PXK: variants seen among roughly 807,000 people sequenced by gnomAD.
The protein encoded by PXK is PX domain-containing protein kinase-like protein.
PXK carries 35 observed loss-of-function variants against 84.7 expected under a neutral mutation model. That is an observed-to-expected ratio of 0.41 (90% CI 0.32 to 0.55). The LOEUF is 0.55. Ranked by LOEUF, PXK falls within the 20% of genes least tolerant of loss-of-function variation. The pLI is 0.21. For synonymous variants in PXK, 253 were observed against 260.8 expected (o/e 0.97, Z 0.29); for missense variants, 634 against 699.7 (o/e 0.91, Z 1.06).
intron 12 of PXK, 41 bp from the exon 13 acceptor site, chr3:58,403,821 G>A (rs202028473): frequency 8.7e-6 from 12 of 1,384,086 alleles, no homozygotes; most frequent in African/African-American, 2.8e-5. Flanking sequence ...GAGAGTGCAC[G>A]TGGTTCAAGA....
intron 16 of PXK, among the ~76,000 whole-genome samples, chr3:58,410,834 TG>T (rs2060095490): frequency 6.6e-6 from 1 of 152,216 alleles, no homozygotes; most frequent in Non-Finnish European, 1.5e-5. Flanking sequence ...CAAGCAGTTT[TG>T]ACTTAGCCCT....
rs2098546995 is a variant in PXK at position 58,385,926 on chromosome 3, A to G, written c.388+3226A>G. ...TTCAAGTGGTGGCCAGAATCAGCAGAGCACTTTTCCTGGTCCTTGCTCTGA... is the reference window on the plus strand; with the variant it reads ...TTCAAGTGGTGGCCAGAATCAGCAGGGCACTTTTCCTGGTCCTTGCTCTGA... On this transcript the variant is annotated intron_variant, in intron 4 of 17. Coordinates refer to ENST00000356151, the MANE Select transcript of PXK (RefSeq NM_017771.5). The surrounding 1 kb of genome is among the most constrained non-coding windows in gnomAD (Gnocchi z 5.1). Among the ~76,000 whole-genome samples, 1 of 152,184 alleles carries G rather than the reference A, an allele frequency of 6.6e-6. No homozygotes were observed.
intron 4 of PXK, among the ~76,000 whole-genome samples, chr3:58,389,766 G>A (rs1410931341): frequency 2.0e-5 from 3 of 151,976 alleles, no homozygotes; most frequent in Admixed American, 1.3e-4. Flanking sequence ...TTGGGAGGCC[G>A]AGGTGGGCGG....
Position 58,364,394 on chromosome 3 carries a change from GT to G in PXK, c.103-1474del, listed in dbSNP as rs1056013655. Among the ~76,000 whole-genome samples, 5 of 152,080 alleles carry G rather than the reference GT, an allele frequency of 3.3e-5. No individual in the cohort carries two copies. The highest frequency in any genetic ancestry group is 3.3e-4 in the Admixed American group (5 of 15,268). On this transcript the variant is annotated intron_variant, in intron 1 of 17. Transcript: ENST00000356151. This position sits in a 1 kb window ranked among gnomAD's most constrained non-coding sequence, Gnocchi z 4.3. ...TATTTGGCGGGGGGAGGGGAGCGGA[GT>G]TTTTTAGTTATGAATTTAATTATAA... is the stretch of plus-strand genomic sequence containing the variant.
At chr3:58,366,536 A>G (rs761034273) in intron 2 of PXK, among the ~76,000 whole-genome samples, 7 of 151,936 alleles carry the variant, frequency 4.6e-5, no homozygotes, top group Non-Finnish European at 1.0e-4. Context: ...TGTTTTAGTA[A>G]TTATAATTAC....
intron 7 of PXK, 130 bp downstream of exon 7, chr3:58,391,977 T>C: frequency 1.3e-6 from 1 of 768,716 alleles, no homozygotes; most frequent in Non-Finnish European, 2.2e-6. Flanking sequence ...AGACTGAAAT[T>C]GTGTAGGGCT....
At chr3:58,419,427 A>C (rs1336975513) in intron 17 of PXK, among the ~76,000 whole-genome samples, 5 of 152,048 alleles carry the variant, frequency 3.3e-5, no homozygotes, top group Non-Finnish European at 1.5e-5. Context: ...ACTTTTTTGT[A>C]GTTTTAGTAG....
chr3:58,425,147 G>A lies in PXK; in HGVS notation c.*187G>A, dbSNP rs1447225171. 6 of 888,570 alleles carry A rather than the reference G, an allele frequency of 6.8e-6. No individual in the cohort carries two copies. In the East Asian group the frequency reaches 1.4e-4, roughly 21 times the overall value. 55.0% of individuals were successfully genotyped at this position (888,570 alleles called of 1,614,324 possible). ...TCTTTAAGCAGAATAAAGTTAGGCT[G>A]GCATTGCTCCCTTAAGATCTTGCTC... On this transcript the variant is annotated 3_prime_UTR_variant, in exon 18 of 18. Coordinates refer to ENST00000356151, the MANE Select transcript of PXK (RefSeq NM_017771.5).
At chr3:58,413,240 T>G in intron 17 of PXK, 1 of 506,056 alleles carries the variant, frequency 2.0e-6, no homozygotes, top group East Asian at 3.6e-5. Context: ...ATGCAGAGCT[T>G]CTCAGATTGG....
In PXK at chr3:58,382,689, C is replaced by A; in HGVS notation, c.377C>A (p.Ala126Glu). Residue 126 changes from alanine to glutamate, a missense_variant, in exon 4 of 18, where the codon GCA becomes GAA. Coordinates refer to ENST00000356151, the MANE Select transcript of PXK (RefSeq NM_017771.5). Reference protein sequence around the residue: ...KKFLDPNNYSANYTEIALQQV... With the variant: ...KKFLDPNNYSENYTEIALQQV... ...TTTTTAGATCCAAACAACTATTCCGCAAACTATACTGGTAAGCGAAGGAAT... is the reference window on the plus strand; with the variant it reads ...TTTTTAGATCCAAACAACTATTCCGAAAACTATACTGGTAAGCGAAGGAAT... The A allele has an allele frequency of 6.4e-7, 1 of 1,571,478 alleles. No individual in the cohort carries two copies. Among genetic ancestry groups the A allele is most frequent in the Non-Finnish European group, 8.6e-7 (1 of 1,163,414 alleles).
intron 17 of PXK, chr3:58,420,552 T>G (rs1464074869): frequency 1.3e-6 from 2 of 1,536,082 alleles, no homozygotes; most frequent in East Asian, 4.9e-5. Flanking sequence ...ATGCACCATT[T>G]TGAACGTGAA....
chr3:58,347,554 G>A (rs911327951), intron 1 of PXK, among the ~76,000 whole-genome samples: 2 of 152,266 alleles, frequency 1.3e-5, no homozygotes, highest in East Asian at 1.9e-4. Flanking sequence ...CTTCTATGAT[G>A]TTATATGTTT....
At chr3:58,344,555 G>A (rs2107829212) in intron 1 of PXK, among the ~76,000 whole-genome samples, 1 of 152,286 alleles carries the variant, frequency 6.6e-6, no homozygotes, top group East Asian at 1.9e-4. Flanking sequence ...TGGGCACAGT[G>A]GCTTATGCCT....
At chr3:58,423,485 G>A in intron 17 of PXK, 4 of 1,533,136 alleles carry the variant, frequency 2.6e-6, no homozygotes, top group Non-Finnish European at 3.5e-6. Flanking sequence ...AGTAAAAGAT[G>A]TAAAGAAAGG....
chr3:58,402,435 CT>C (rs751026027), intron 12 of PXK, among the ~76,000 whole-genome samples: 223 of 142,550 alleles, frequency 1.6e-3, no homozygotes, highest in South Asian at 3.8e-3. Context: ...CTTTTCTTTT[CT>C]TTTTTTTTTT....
chr3:58,350,430 C>T (rs183930720), intron 1 of PXK, among the ~76,000 whole-genome samples: 23 of 152,250 alleles, frequency 1.5e-4, no homozygotes, highest in Admixed American at 1.3e-3. Flanking sequence ...CTCTGCCCTT[C>T]ACCCTGTCAG....
chr3:58,409,117 A>C lies in PXK; in HGVS notation c.1308+116A>C. Reference sequence around the variant, plus strand: ...AAATATTTTAAGCATACTTACTCTCAGCCAGCCTTTAGGCTAAATGCTTCC... The same window carrying C: ...AAATATTTTAAGCATACTTACTCTCCGCCAGCCTTTAGGCTAAATGCTTCC... On this transcript the variant is annotated intron_variant, in intron 14 of 17. Transcript: ENST00000356151. This position sits in a 1 kb window ranked among gnomAD's most constrained non-coding sequence, Gnocchi z 4.2. The C allele has an allele frequency of 1.3e-6, 1 of 795,398 alleles. No individual in the cohort carries two copies. The highest frequency in any genetic ancestry group is 2.0e-6 in the Non-Finnish European group (1 of 491,964). 49.3% of individuals were successfully genotyped at this position (795,398 alleles called of 1,614,324 possible). A position where few individuals can be genotyped will look rare whatever the true frequency, so the allele number is the denominator to read the frequency against.
In PXK at chr3:58,425,196, CT is replaced by C; in HGVS notation, c.*238del. The C allele has an allele frequency of 1.9e-6, 1 of 521,430 alleles. No homozygotes were observed. The highest frequency in any genetic ancestry group is 2.3e-5 in the South Asian group (1 of 42,938). 32.3% of individuals were successfully genotyped at this position (521,430 alleles called of 1,614,324 possible). A position where few individuals can be genotyped will look rare whatever the true frequency, so the allele number is the denominator to read the frequency against. ...TCCTTTATTAACCCTGTAAAGGAGT[CT>C]TGTTTATCCTCTAATGGCCAGGCTT... On this transcript the variant is annotated 3_prime_UTR_variant, in exon 18 of 18. Coordinates refer to ENST00000356151, the MANE Select transcript of PXK (RefSeq NM_017771.5).
intron 17 of PXK, among the ~76,000 whole-genome samples, chr3:58,418,168 A>G (rs543148961): frequency 1.2e-4 from 19 of 152,336 alleles, no homozygotes; most frequent in African/African-American, 4.6e-4. Flanking sequence ...AAGCTGAGTA[A>G]GCAGAGGACC....
Sources: allele counts gnomAD v4.1 joint callset (sites outside exome capture counted in the v4.1 genomes callset), GRCh38; gene constraint gnomAD v4.1.1; non-coding constraint Gnocchi (gnomAD v3.1); transcripts MANE v1.5; gene names NCBI Gene and HGNC (gene_info 2026-07-23, HGNC 2026-07-21).